BRINP1: variants seen among roughly 807,000 people sequenced by gnomAD.
BRINP1 encodes BMP/retinoic acid inducible neural specific 1, also known as BMP/retinoic acid-inducible neural-specific protein 1.
Under a neutral mutation model 72.9 loss-of-function variants are expected in BRINP1, and 17 were observed. The observed-to-expected ratio is 0.23, with a 90% confidence interval of 0.16 to 0.35. The LOEUF (loss-of-function observed/expected upper bound fraction) is 0.35. BRINP1 is among the 10% of genes least tolerant of loss of function. The probability of loss-of-function intolerance (pLI) is 1.00; values close to 1 mark genes in which losing one functional copy is unlikely to be tolerated. For missense variants in BRINP1, 850 were observed against 1,001.6 expected, an observed-to-expected ratio of 0.85 and a Z score of 2.04; for synonymous variants, 418 against 378.5, an observed-to-expected ratio of 1.10 and a Z score of -1.21.
intron 1 of BRINP1, among the ~76,000 whole-genome samples, chr9:119,356,687 C>T (rs1831570434): frequency 6.6e-6 from 1 of 151,914 alleles, no homozygotes; most frequent in African/African-American, 2.4e-5. Context: ...TGCCTGTAAT[C>T]CCAGCTACTC....
At position 119,310,753 on chromosome 9, in the gene BRINP1, C is replaced by T. The variant is rs889062744; in HGVS notation, c.218+2385G>A. Among the ~76,000 whole-genome samples the T allele has an allele frequency of 9.2e-5, 14 of 152,076 alleles. 1 individual carries two copies. The highest frequency in any genetic ancestry group is 2.4e-4 in the African/African-American group (10 of 41,400). On this transcript the variant is annotated intron_variant, in intron 2 of 7. Coordinates refer to ENST00000265922, the MANE Select transcript of BRINP1 (RefSeq NM_014618.3). ...TGAAAATGTCAAGTTTGTAACGTGC[C>T]GTGTCCATGCTAGCATACAGGAAGA...
intron 1 of BRINP1, among the ~76,000 whole-genome samples, chr9:119,358,250 T>G (rs1379075708): frequency 6.6e-6 from 1 of 152,194 alleles, no homozygotes; most frequent in Admixed American, 6.5e-5. Context: ...GTCAATCATC[T>G]ACTTTCCCAT....
intron 1 of BRINP1, among the ~76,000 whole-genome samples, chr9:119,343,768 T>C (rs1831426185): frequency 6.6e-6 from 1 of 152,170 alleles, no homozygotes; most frequent in Non-Finnish European, 1.5e-5. Context: ...ATGTATAATG[T>C]CCCTCTCCCA....
chr9:119,226,411 C>T (rs186172489), intron 5 of BRINP1, among the ~76,000 whole-genome samples: 13 of 152,120 alleles, frequency 8.5e-5, no homozygotes, highest in African/African-American at 2.6e-4. Flanking sequence ...TTCCATGCTG[C>T]GTACTTGGCC....
intron 1 of BRINP1, among the ~76,000 whole-genome samples, chr9:119,338,335 C>T (rs144496736): frequency 3.1e-4 from 45 of 147,214 alleles, no homozygotes; most frequent in Middle Eastern, 3.4e-3. Flanking sequence ...TCATGCATTA[C>T]GTCCCAGGCA....
intron 2 of BRINP1, among the ~76,000 whole-genome samples, chr9:119,296,403 A>G (rs1225602510): frequency 2.0e-5 from 3 of 152,226 alleles, no homozygotes; most frequent in African/African-American, 7.2e-5. Context: ...GTTAGCAAGA[A>G]TGTGGATGGG....
At chr9:119,358,473 C>T (rs1831594808) in intron 1 of BRINP1, among the ~76,000 whole-genome samples, 1 of 151,652 alleles carries the variant, frequency 6.6e-6, no homozygotes, top group African/African-American at 2.4e-5. Flanking sequence ...GTGGGCAGAT[C>T]ACCTGAGGTC....
intron 1 of BRINP1, among the ~76,000 whole-genome samples, chr9:119,342,326 T>C (rs1050020346): frequency 6.6e-6 from 1 of 152,204 alleles, no homozygotes; most frequent in Non-Finnish European, 1.5e-5. Flanking sequence ...GTAGTGCAGA[T>C]GGATTGAAAA....
chr9:119,244,131 T>C (rs1435672960), intron 3 of BRINP1, among the ~76,000 whole-genome samples: 2 of 152,222 alleles, frequency 1.3e-5, no homozygotes, highest in African/African-American at 4.8e-5. Flanking sequence ...TGGGATGCCT[T>C]CCCTTAGTCC....
intron 7 of BRINP1, among the ~76,000 whole-genome samples, chr9:119,170,546 G>A (rs911619966): frequency 1.3e-5 from 2 of 152,116 alleles, no homozygotes; most frequent in African/African-American, 4.8e-5. Flanking sequence ...AAACAAGTTG[G>A]AAAGCACTCT....
At chr9:119,314,638 C>G (rs1243381809) in intron 1 of BRINP1, among the ~76,000 whole-genome samples, 2 of 152,164 alleles carry the variant, frequency 1.3e-5, no homozygotes, top group African/African-American at 4.8e-5. Context: ...ACTCGCTTAA[C>G]TGTATGTGAC....
At chr9:119,169,185 A>G (rs1056870069) in intron 7 of BRINP1, among the ~76,000 whole-genome samples, 2 of 152,200 alleles carry the variant, frequency 1.3e-5, no homozygotes, top group African/African-American at 4.8e-5. Context: ...GCGACGCAGA[A>G]GACAGTGATT....
chr9:119,269,373 C>T (rs184314903), intron 2 of BRINP1, among the ~76,000 whole-genome samples: 59 of 152,270 alleles, frequency 3.9e-4, no homozygotes, highest in African/African-American at 7.0e-4. Flanking sequence ...TCCTCAGGGA[C>T]GTGAAGTGTT....
chr9:119,324,888 T>C (rs1831223966), intron 1 of BRINP1, among the ~76,000 whole-genome samples: 1 of 152,008 alleles, frequency 6.6e-6, no homozygotes, highest in South Asian at 2.1e-4. Context: ...TCACCTGAGG[T>C]TGGGAGCTCG....
At chr9:119,312,894 C>T (rs1300307638) in intron 2 of BRINP1, among the ~76,000 whole-genome samples, 2 of 152,064 alleles carry the variant, frequency 1.3e-5, no homozygotes, top group Non-Finnish European at 2.9e-5. Context: ...ATATATAATA[C>T]GTATTAAGCC....
At chr9:119,297,606 C>G (rs2118979065) in intron 2 of BRINP1, among the ~76,000 whole-genome samples, 1 of 152,310 alleles carries the variant, frequency 6.6e-6, no homozygotes, top group South Asian at 2.1e-4. Context: ...TCATATCACA[C>G]AAGTTTATTC....
At chr9:119,194,753 G>C (rs1040827437) in intron 7 of BRINP1, among the ~76,000 whole-genome samples, 4 of 152,134 alleles carry the variant, frequency 2.6e-5, no homozygotes, top group African/African-American at 9.7e-5. Context: ...CCAACACCTT[G>C]AAGGAGCTTG....
intron 7 of BRINP1, among the ~76,000 whole-genome samples, chr9:119,172,320 ATACAAACTACCATCAGAGAATAC>A: frequency 6.6e-6 from 1 of 152,056 alleles, no homozygotes; most frequent in Non-Finnish European, 1.5e-5. Context: ...TCCCACAGAA[ATACAAACTACCATCAGAGAATAC>A]TACAAACACC....
intron 1 of BRINP1, among the ~76,000 whole-genome samples, chr9:119,319,377 C>T (rs1359147112): frequency 6.6e-6 from 1 of 152,170 alleles, no homozygotes; most frequent in Non-Finnish European, 1.5e-5. Flanking sequence ...TGATTTAGAA[C>T]ATCACAGTAA....
Sources: allele counts gnomAD v4.1 joint callset (sites outside exome capture counted in the v4.1 genomes callset), GRCh38; gene constraint gnomAD v4.1.1; transcripts MANE v1.5; gene names NCBI Gene and HGNC (gene_info 2026-07-23, HGNC 2026-07-21).